Variants in UST observed in about 807,000 individuals in gnomAD.
UST encodes the protein chondroitin sulfate 2-O-sulfotransferase.
UST carries 21 observed loss-of-function variants against 45.6 expected under a neutral mutation model. The ratio of observed to expected loss-of-function variants is 0.46; its 90% CI spans 0.33 to 0.66. The LOEUF is 0.66. Ranked by LOEUF, UST falls within the 30% of genes least tolerant of loss-of-function variation. The pLI, the probability that UST is intolerant of heterozygous loss-of-function variation, is 0.02. For synonymous variants in UST, 215 were observed against 200.6 expected (o/e 1.07, Z -0.61); for missense variants, 463 against 512.4 (o/e 0.90, Z 0.93).
intron 1 of UST, among the ~76,000 whole-genome samples, chr6:148,799,819 TTGG>T (rs1289826710): frequency 2.6e-5 from 4 of 152,192 alleles, no homozygotes; most frequent in Admixed American, 1.3e-4. Context: ...ATCCTTTTGA[TTGG>T]TGGTGATGTT....
At chr6:148,770,462 G>T in intron 1 of UST, among the ~76,000 whole-genome samples, 1 of 151,650 alleles carries the variant, frequency 6.6e-6, no homozygotes, top group East Asian at 1.9e-4. Context: ...GAAGAGGGTT[G>T]CTGCAAGGTA....
chr6:148,840,221 G>T (rs1777863306), intron 1 of UST, among the ~76,000 whole-genome samples: 1 of 152,180 alleles, frequency 6.6e-6, no homozygotes. Flanking sequence ...CTTGGACTTT[G>T]CATCTGGGGC....
Position 148,950,102 on chromosome 6 carries a change from T to TA in UST, c.448-3769dup, listed in dbSNP as rs369067274. 2.0e-3 allele frequency among the ~76,000 whole-genome samples: 299 copies of TA among 152,336 alleles called. 1 individual carries two copies. The highest frequency in any genetic ancestry group is 7.0e-3 in the African/African-American group (290 of 41,584). Reference sequence around the variant, plus strand: ...CCTCCCGGAACCTCCCCTTCTGTCTTACTTACATTGACTTATTTCAGTGGT... The same window carrying TA: ...CCTCCCGGAACCTCCCCTTCTGTCTTAACTTACATTGACTTATTTCAGTGGT... On this transcript the variant is annotated intron_variant, in intron 3 of 7. Coordinates refer to ENST00000367463, the MANE Select transcript of UST (RefSeq NM_005715.3).
chr6:148,932,323 T>C (rs1779936242), intron 2 of UST, among the ~76,000 whole-genome samples: 1 of 152,134 alleles, frequency 6.6e-6, no homozygotes, highest in Admixed American at 6.5e-5. Flanking sequence ...GAGGTAGCAA[T>C]GAACCAAGAT....
At chr6:149,019,005 A>C in intron 5 of UST, 134 bp from the exon 6 acceptor site, 2 of 752,488 alleles carry the variant, frequency 2.7e-6, no homozygotes, top group Non-Finnish European at 4.5e-6. Context: ...TTTTCTCATG[A>C]AATCTGTGAA....
chr6:148,815,239 G>T (rs895005111), intron 1 of UST, among the ~76,000 whole-genome samples: 36 of 152,352 alleles, frequency 2.4e-4, no homozygotes, highest in African/African-American at 8.4e-4. Context: ...TATAACATTT[G>T]TCTGGAAGGC....
At chr6:149,015,914 G>A (rs6940538) in intron 5 of UST, among the ~76,000 whole-genome samples, 24 of 152,224 alleles carry the variant, frequency 1.6e-4, no homozygotes, top group African/African-American at 5.3e-4. Flanking sequence ...TGAAGGTCTC[G>A]GTTCTGCTAA....
chr6:148,815,596 T>C (rs1456446314), intron 1 of UST, among the ~76,000 whole-genome samples: 1 of 152,198 alleles, frequency 6.6e-6, no homozygotes, highest in Non-Finnish European at 1.5e-5. Context: ...AATCACCCTT[T>C]AATTTTAATG....
chr6:149,065,521 T>C (rs551934903), intron 7 of UST, among the ~76,000 whole-genome samples: 39 of 152,288 alleles, frequency 2.6e-4, no homozygotes, highest in African/African-American at 9.4e-4. Flanking sequence ...TACAGGCTCA[T>C]GAAAGCTGCC....
chr6:148,897,497 ATT>A (rs35976780), intron 2 of UST, among the ~76,000 whole-genome samples: 6 of 149,242 alleles, frequency 4.0e-5, no homozygotes, highest in Non-Finnish European at 8.9e-5. Flanking sequence ...TTTATTTTTA[ATT>A]TTTTTTTTTA....
chr6:148,812,642 G>T (rs1257238611), intron 1 of UST, among the ~76,000 whole-genome samples: 3 of 152,226 alleles, frequency 2.0e-5, no homozygotes, highest in Non-Finnish European at 4.4e-5. Context: ...GGCCACATGG[G>T]TCTCCCCATA....
intron 1 of UST, among the ~76,000 whole-genome samples, chr6:148,795,035 G>A (rs942588190): frequency 6.6e-6 from 1 of 152,198 alleles, no homozygotes; most frequent in African/African-American, 2.4e-5. Context: ...AAAGGGCTCT[G>A]TTGTTGAGGC....
At chr6:148,889,881 C>T (rs1055039174) in intron 2 of UST, among the ~76,000 whole-genome samples, 1 of 151,950 alleles carries the variant, frequency 6.6e-6, no homozygotes, top group African/African-American at 2.4e-5. Flanking sequence ...CTTCCCCCTG[C>T]CCCTACAGTC....
intron 5 of UST, among the ~76,000 whole-genome samples, chr6:148,967,358 TG>T (rs1202323826): frequency 1.4e-5 from 2 of 142,836 alleles, no homozygotes; most frequent in Non-Finnish European, 3.1e-5. Flanking sequence ...AGCCTGGTGG[TG>T]GGGGGGAGGG....
intron 2 of UST, among the ~76,000 whole-genome samples, chr6:148,887,964 G>C (rs1319143358): frequency 6.6e-6 from 1 of 152,188 alleles, no homozygotes; most frequent in Non-Finnish European, 1.5e-5. Flanking sequence ...ACGGTGAGAA[G>C]ATAATGAACC....
chr6:148,919,871 G>T (rs1348794841), intron 2 of UST, among the ~76,000 whole-genome samples: 4 of 152,190 alleles, frequency 2.6e-5, no homozygotes, highest in African/African-American at 9.7e-5. Flanking sequence ...TGAGTTTGAG[G>T]ACTAGACAGG....
At chr6:149,064,300 C>T (rs1295277594) in intron 7 of UST, among the ~76,000 whole-genome samples, 1 of 152,228 alleles carries the variant, frequency 6.6e-6, no homozygotes, top group Non-Finnish European at 1.5e-5. Context: ...CTTCGGGCTT[C>T]ACCACTTACC....
At chr6:148,885,740 A>G (rs1435246085) in intron 1 of UST, among the ~76,000 whole-genome samples, 1 of 152,138 alleles carries the variant, frequency 6.6e-6, no homozygotes, top group Non-Finnish European at 1.5e-5. Context: ...GTTTGGATAC[A>G]TTTCCCCAGT....
rs201566267 is a variant in UST at position 149,007,332 on chromosome 6, G to A, written c.682-11807G>A. On this transcript the variant is annotated intron_variant, in intron 5 of 7. Coordinates refer to ENST00000367463, the MANE Select transcript of UST (RefSeq NM_005715.3). Reference sequence around the variant, plus strand: ...AGATGGAGTCTCATTCTTTTGCCCAGGCTGGAGTGCAGTGGTGCAATCTCG... The same window carrying A: ...AGATGGAGTCTCATTCTTTTGCCCAAGCTGGAGTGCAGTGGTGCAATCTCG... Among the ~76,000 whole-genome samples, 29 of 146,670 alleles carry A rather than the reference G, an allele frequency of 2.0e-4. No homozygotes were observed. The East Asian group carries it at 5.1e-3, about 26-fold the overall frequency.
Sources: gnomAD v4.1 joint callset for allele counts (sites outside exome capture counted in the v4.1 genomes callset) on GRCh38, gnomAD v4.1.1 for gene constraint, MANE v1.5 for transcripts, NCBI Gene and HGNC (gene_info 2026-07-23, HGNC 2026-07-21) for gene names.